The following C10orf90 variants were observed in gnomAD, a reference collection of about 807,000 sequenced individuals.
The protein encoded by C10orf90 is chromosome 10 open reading frame 90.
A neutral mutation model predicts 62.5 loss-of-function variants in C10orf90; 56 were observed. The observed-to-expected ratio is 0.90, with a 90% CI of 0.72 to 1.12. The LOEUF is 1.12. Among genes scored for constraint, C10orf90 ranks in the 50% most tolerant of loss-of-function variants. C10orf90 has a pLI of 0.00. For missense variants in C10orf90, 970 were observed against 880.4 expected (o/e 1.10, Z -1.29); for synonymous variants, 386 against 340.4 (o/e 1.13, Z -1.47).
intron 1 of C10orf90, among the ~76,000 whole-genome samples, chr10:126,656,892 A>T (rs566365635): frequency 2.0e-5 from 3 of 152,374 alleles, no homozygotes; most frequent in African/African-American, 7.2e-5. Flanking sequence ...AATAAGCTTC[A>T]ACTTAGCTTA....
At chr10:126,560,386 G>A (rs926445261) in intron 2 of C10orf90, among the ~76,000 whole-genome samples, 3 of 152,180 alleles carry the variant, frequency 2.0e-5, no homozygotes, top group Non-Finnish European at 4.4e-5. Flanking sequence ...GGTGATAAAT[G>A]GTGAATAATA....
intron 2 of C10orf90, among the ~76,000 whole-genome samples, chr10:126,566,171 TCTC>T (rs1416200330): frequency 6.6e-6 from 1 of 152,196 alleles, no homozygotes; most frequent in African/African-American, 2.4e-5. Flanking sequence ...TCCAATTTGG[TCTC>T]CTCACCTTCT....
chr10:126,441,485 C>T (rs1858324013), intron 7 of C10orf90, among the ~76,000 whole-genome samples: 1 of 152,008 alleles, frequency 6.6e-6, no homozygotes, highest in South Asian at 2.1e-4. Context: ...GGAAAACTTC[C>T]CTGGCCTTGC....
At chr10:126,429,964 C>T (rs879014837) in intron 7 of C10orf90, 114 bp from the exon 8 acceptor site, 2 of 940,320 alleles carry the variant, frequency 2.1e-6, no homozygotes, top group Admixed American at 4.0e-5. Flanking sequence ...TAAGCCATAT[C>T]CTGAGTCTAA....
chr10:126,643,077 C>T (rs1260540353), intron 2 of C10orf90, among the ~76,000 whole-genome samples: 1 of 152,262 alleles, frequency 6.6e-6, no homozygotes, highest in Non-Finnish European at 1.5e-5. Flanking sequence ...ACAGAGTTGT[C>T]TTCCTAGCAC....
chr10:126,619,231 C>A (rs1408168656), intron 2 of C10orf90, among the ~76,000 whole-genome samples: 2 of 152,148 alleles, frequency 1.3e-5, no homozygotes, highest in Non-Finnish European at 2.9e-5. Context: ...CTCATTAATG[C>A]CTATTCAGAA....
chr10:126,473,742 C>T (rs964507596), intron 4 of C10orf90, among the ~76,000 whole-genome samples: 3 of 152,036 alleles, frequency 2.0e-5, no homozygotes, highest in Non-Finnish European at 2.9e-5. Context: ...CCTAATTGAT[C>T]TATCAAGGTA....
intron 7 of C10orf90, among the ~76,000 whole-genome samples, chr10:126,434,625 T>C (rs772357551): frequency 8.5e-5 from 13 of 152,216 alleles, no homozygotes; most frequent in Admixed American, 1.3e-4. Context: ...GCCTGGAGTA[T>C]AGACGTCAAG....
Position 126,610,461 on chromosome 10 carries a change from A to G in C10orf90, c.313+36104T>C, listed in dbSNP as rs187013588. On this transcript the variant is annotated intron_variant, in intron 2 of 9. Coordinates refer to ENST00000488181, the MANE Select transcript of C10orf90 (RefSeq NM_001350921.2). ...TTTGCAAATTCTCCTAAAACTACCTAATTGGAGTGTGTTCTCTGTCTCCTT... is the reference window on the plus strand; with the variant it reads ...TTTGCAAATTCTCCTAAAACTACCTGATTGGAGTGTGTTCTCTGTCTCCTT... Among the ~76,000 whole-genome samples, 4 of 152,120 alleles carry G rather than the reference A, an allele frequency of 2.6e-5. No homozygotes were observed. The East Asian group carries it at 7.8e-4, about 30-fold the overall frequency.
At chr10:126,623,279 G>A (rs899584983) in intron 2 of C10orf90, among the ~76,000 whole-genome samples, 22 of 152,186 alleles carry the variant, frequency 1.4e-4, no homozygotes, top group African/African-American at 5.3e-4. Flanking sequence ...TTGTTCATTG[G>A]CTCCAGACTG....
intron 2 of C10orf90, among the ~76,000 whole-genome samples, chr10:126,604,079 T>C (rs550287985): frequency 1.3e-5 from 2 of 152,238 alleles, no homozygotes; most frequent in Non-Finnish European, 2.9e-5. Context: ...TGGCTTTTCC[T>C]GCATGCAGTT....
chr10:126,517,550 A>G (rs1048243657), intron 2 of C10orf90, among the ~76,000 whole-genome samples: 1 of 152,112 alleles, frequency 6.6e-6, no homozygotes, highest in African/African-American at 2.4e-5. Flanking sequence ...GTGACTGACA[A>G]TGGCTCATAG....
chr10:126,569,229 T>C (rs1454393550), intron 2 of C10orf90, among the ~76,000 whole-genome samples: 1 of 152,152 alleles, frequency 6.6e-6, no homozygotes. Context: ...TGGTCTATGA[T>C]TCCTGAGGGC....
At chr10:126,595,833 C>T (rs948503425) in intron 2 of C10orf90, among the ~76,000 whole-genome samples, 3 of 152,112 alleles carry the variant, frequency 2.0e-5, no homozygotes, top group Non-Finnish European at 2.9e-5. Context: ...GTACCCCACA[C>T]CCCAATACAT....
intron 2 of C10orf90, among the ~76,000 whole-genome samples, chr10:126,574,211 T>A (rs2077358805): frequency 6.6e-6 from 1 of 152,150 alleles, no homozygotes; most frequent in Non-Finnish European, 1.5e-5. Context: ...AAATATACCA[T>A]GAACAAAATC....
chr10:126,559,898 G>C (rs1864862766), intron 2 of C10orf90, among the ~76,000 whole-genome samples: 1 of 152,214 alleles, frequency 6.6e-6, no homozygotes, highest in African/African-American at 2.4e-5. Context: ...ACTGAAATTA[G>C]ACCCTCAAGA....
At chr10:126,484,011 A>T (rs1861295081) in intron 4 of C10orf90, among the ~76,000 whole-genome samples, 2 of 152,126 alleles carry the variant, frequency 1.3e-5, no homozygotes, top group Admixed American at 1.3e-4. Flanking sequence ...GATATTCCAT[A>T]AGCCTGACAT....
chr10:126,604,817 TC>T (rs1427473290), intron 2 of C10orf90, among the ~76,000 whole-genome samples: 1 of 152,212 alleles, frequency 6.6e-6, no homozygotes, highest in African/African-American at 2.4e-5. Flanking sequence ...GACAATTTAA[TC>T]AGGTAAGATA....
intron 4 of C10orf90, among the ~76,000 whole-genome samples, chr10:126,490,731 G>C (rs1591000722): frequency 6.6e-6 from 1 of 152,032 alleles, no homozygotes; most frequent in South Asian, 2.1e-4. Context: ...GATATAGAGA[G>C]AATCTATATA....
Sources: allele counts gnomAD v4.1 joint callset (sites outside exome capture counted in the v4.1 genomes callset), GRCh38; gene constraint gnomAD v4.1.1; transcripts MANE v1.5; gene names NCBI Gene and HGNC (gene_info 2026-07-23, HGNC 2026-07-21).